Variants in GFRA2 observed in about 807,000 individuals in gnomAD.
The protein encoded by GFRA2 is GDNF family receptor alpha-2.
In GFRA2, 17 loss-of-function variants were observed where a neutral mutation model predicts 48.3. The ratio of observed to expected loss-of-function variants is 0.35; its 90% CI spans 0.24 to 0.53. The LOEUF (loss-of-function observed/expected upper bound fraction) is 0.53. GFRA2 is among the 20% of genes least tolerant of loss of function. The pLI, the probability that GFRA2 is intolerant of heterozygous loss-of-function variation, is 0.93. For synonymous variants in GFRA2, 305 were observed against 257.2 expected (o/e 1.19, Z -1.78); for missense variants, 660 against 637.3 (o/e 1.04, Z -0.38).
intron 3 of GFRA2, among the ~76,000 whole-genome samples, chr8:21,758,328 C>T (rs1021562078): frequency 1.3e-5 from 2 of 152,202 alleles, no homozygotes; most frequent in Non-Finnish European, 2.9e-5. Context: ...TCATCCCCCT[C>T]TGCCACCTCC....
intron 2 of GFRA2, among the ~76,000 whole-genome samples, chr8:21,776,289 C>T (rs1448533791): frequency 2.6e-5 from 4 of 152,054 alleles, no homozygotes; most frequent in East Asian, 3.9e-4. Flanking sequence ...CTGTTATTTC[C>T]GGCAGACCCC....
intron 2 of GFRA2, among the ~76,000 whole-genome samples, chr8:21,804,713 C>T (rs974001219): frequency 5.3e-5 from 8 of 152,210 alleles, no homozygotes; most frequent in East Asian, 1.9e-4. Context: ...AGTGGGGCAG[C>T]GACATCAATA....
At chr8:21,762,824 T>G (rs1478293007) in intron 3 of GFRA2, among the ~76,000 whole-genome samples, 1 of 152,216 alleles carries the variant, frequency 6.6e-6, no homozygotes, top group Non-Finnish European at 1.5e-5. Context: ...TTGGGGGGTT[T>G]TTTAATATTT....
chr8:21,759,490 G>GAAGGAAGGAAGGAAGT (rs1805780944), intron 3 of GFRA2, among the ~76,000 whole-genome samples: 1 of 86,606 alleles, frequency 1.2e-5, no homozygotes, highest in Non-Finnish European at 2.5e-5. Flanking sequence ...AGGAAAGAAG[G>GAAGGAAGGAAGGAAGT]AAGGAAGGAA....
intron 4 of GFRA2, among the ~76,000 whole-genome samples, chr8:21,737,342 C>T (rs191094680): frequency 6.6e-6 from 1 of 151,826 alleles, no homozygotes; most frequent in Admixed American, 6.6e-5. Flanking sequence ...GCAGTCCAGC[C>T]TGGACGACAG....
chr8:21,732,208 G>A (rs1033592926), intron 4 of GFRA2, among the ~76,000 whole-genome samples: 9 of 152,214 alleles, frequency 5.9e-5, no homozygotes, highest in African/African-American at 2.2e-4. Flanking sequence ...TTTTCCCTTC[G>A]CCTTCTTGTG....
chr8:21,722,314 G>C (rs1387643123), intron 4 of GFRA2, among the ~76,000 whole-genome samples: 1 of 152,308 alleles, frequency 6.6e-6, no homozygotes, highest in South Asian at 2.1e-4. Flanking sequence ...CTTAGGAGGA[G>C]GGTGAAGTCT....
chr8:21,753,583 C>A (rs1252366185), intron 3 of GFRA2, among the ~76,000 whole-genome samples: 2 of 151,054 alleles, frequency 1.3e-5, no homozygotes, highest in African/African-American at 4.9e-5. Flanking sequence ...CACACCATTG[C>A]ACACCAGAGT....
Position 21,810,296 on chromosome 8 carries a change from C to T in GFRA2, c.-148+1935G>A, listed in dbSNP as rs140792240. Reference sequence around the variant, plus strand: ...TGGAAGTGACCCACAACATGCAATCCTTCCCCACTCCCTCCTTAGCAAACC... The same window carrying T: ...TGGAAGTGACCCACAACATGCAATCTTTCCCCACTCCCTCCTTAGCAAACC... On this transcript the variant is annotated intron_variant, in intron 1 of 10. Transcript: ENST00000517328. 9.2e-5 allele frequency among the ~76,000 whole-genome samples: 14 copies of T among 152,262 alleles called. No individual in the cohort carries two copies. The East Asian group carries it at 2.7e-3, about 29-fold the overall frequency.
rs562297582 is a variant in GFRA2 at position 21,751,584 on chromosome 8, C to T, written c.440-642G>A. ...GTAGTGCAGTTATGCCAGCGAGAAC[C>T]GTTGGTCTAAGCTCCTCATCCATTC... On this transcript the variant is annotated intron_variant, in intron 3 of 8. Coordinates refer to ENST00000524240, the MANE Select transcript of GFRA2 (RefSeq NM_001495.5). Among the ~76,000 whole-genome samples the T allele has an allele frequency of 5.9e-5, 9 of 152,342 alleles. No homozygotes were observed. The East Asian group carries it at 1.2e-3, about 20-fold the overall frequency.
chr8:21,728,691 C>G (rs1289081848), intron 4 of GFRA2, among the ~76,000 whole-genome samples: 3 of 152,218 alleles, frequency 2.0e-5, no homozygotes, highest in Admixed American at 6.5e-5. Flanking sequence ...GGCCCTGCTT[C>G]AAGTTTCTGC....
At chr8:21,785,231 C>A (rs920126405) in intron 1 of GFRA2, among the ~76,000 whole-genome samples, 5 of 152,214 alleles carry the variant, frequency 3.3e-5, no homozygotes, top group Admixed American at 2.6e-4. Context: ...TAGAGCCCCA[C>A]AGGATGATCC....
rs139258932 is a variant in GFRA2 at position 21,727,726 on chromosome 8, C to T, written c.795-21685G>A. On this transcript the variant is annotated intron_variant, in intron 4 of 8. Transcript: ENST00000524240. ...GGCAGCCTCCCCGCTGGGCCTCCCTCGGTATTTGAGGGCCAGGCCAATCAT... is the reference window on the plus strand; with the variant it reads ...GGCAGCCTCCCCGCTGGGCCTCCCTTGGTATTTGAGGGCCAGGCCAATCAT... Among the ~76,000 whole-genome samples the T allele has an allele frequency of 9.2e-5, 14 of 152,300 alleles. No homozygotes were observed. The East Asian group carries it at 9.7e-4, about 11-fold the overall frequency.
At chr8:21,711,438 G>A (rs1194640920) in intron 4 of GFRA2, among the ~76,000 whole-genome samples, 1 of 152,184 alleles carries the variant, frequency 6.6e-6, no homozygotes, top group East Asian at 1.9e-4. Flanking sequence ...AGGGCAGCAG[G>A]TGGATCTGTC....
intron 1 of GFRA2, among the ~76,000 whole-genome samples, chr8:21,806,497 C>T (rs1309598311): frequency 6.6e-6 from 1 of 152,158 alleles, no homozygotes; most frequent in African/African-American, 2.4e-5. Context: ...TAGTGTCTTG[C>T]TCTTGTCACC....
Position 21,756,791 on chromosome 8 carries a change from G to A in GFRA2, c.440-5849C>T, listed in dbSNP as rs562299871. Reference sequence around the variant, plus strand: ...CCAGCCCCCTCCGTCTCCCTGCCCCGATCCCCTGCACTGAGAGCTGAGACC... The same window carrying A: ...CCAGCCCCCTCCGTCTCCCTGCCCCAATCCCCTGCACTGAGAGCTGAGACC... On this transcript the variant is annotated intron_variant, in intron 3 of 8. Transcript: ENST00000524240. 6.6e-5 allele frequency among the ~76,000 whole-genome samples: 10 copies of A among 152,208 alleles called. No individual in the cohort carries two copies. The South Asian group carries it at 1.9e-3, about 28-fold the overall frequency.
At position 21,750,107 on chromosome 8, in the gene GFRA2, A is replaced by ACACACACACACACACACACGCACG. The variant is rs201515239; in HGVS notation, c.794+480_794+481insCGTGCGTGTGTGTGTGTGTGTGTG. 1.3e-5 allele frequency among the ~76,000 whole-genome samples: 2 copies of ACACACACACACACACACACGCACG among 150,756 alleles called. No homozygotes were observed. The highest frequency in any genetic ancestry group is 2.1e-4 in the South Asian group (1 of 4,774). On this transcript the variant is annotated intron_variant, in intron 4 of 8. Transcript: ENST00000524240. The surrounding 1 kb of genome is among the most constrained non-coding windows in gnomAD (Gnocchi z 5.7). ...TGTGTATACACACACACACACACAC[A>ACACACACACACACACACACGCACG]CACGCACATATATAGGTAGAGACTG... is the stretch of plus-strand genomic sequence containing the variant.
intron 6 of GFRA2, among the ~76,000 whole-genome samples, chr8:21,703,340 G>A (rs1353038890): frequency 6.6e-6 from 1 of 152,034 alleles, no homozygotes; most frequent in African/African-American, 2.4e-5. Context: ...ACCTCCCAAA[G>A]CTCCTCACCC....
chr8:21,715,702 G>A (rs1239998207), intron 4 of GFRA2, among the ~76,000 whole-genome samples: 2 of 152,212 alleles, frequency 1.3e-5, no homozygotes, highest in Non-Finnish European at 2.9e-5. Flanking sequence ...TGTCAGCTGG[G>A]CCCAACAGGG....
Sources: allele counts gnomAD v4.1 joint callset (sites outside exome capture counted in the v4.1 genomes callset), GRCh38; gene constraint gnomAD v4.1.1; non-coding constraint Gnocchi (gnomAD v3.1); transcripts MANE v1.5; gene names NCBI Gene and HGNC (gene_info 2026-07-23, HGNC 2026-07-21).